FANCA: variants seen among roughly 807,000 people sequenced by gnomAD.
The protein encoded by FANCA is FA complementation group A.
FANCA carries 236 observed loss-of-function variants against 194.3 expected under a neutral mutation model. The observed-to-expected ratio is 1.21, with a 90% CI of 1.09 to 1.35. The LOEUF is 1.35. Among genes scored for constraint, FANCA ranks in the 40% most tolerant of loss-of-function variants. FANCA has a pLI of 0.00. For missense variants in FANCA, 2,628 were observed against 1,813.9 expected (o/e 1.45, Z -8.15); for synonymous variants, 1,014 against 715.8 (o/e 1.42, Z -6.65).
intron 3 of FANCA, among the ~76,000 whole-genome samples, chr16:89,813,743 AT>A (rs1280936334): frequency 1.3e-5 from 2 of 151,750 alleles, no homozygotes; most frequent in African/African-American, 2.4e-5. Context: ...AACAATGCCA[AT>A]TTCTAGTCAT....
At position 89,810,551 on chromosome 16, in the gene FANCA, C is replaced by G. The variant is rs1448655319; in HGVS notation, c.522+156G>C. 4.8e-5 allele frequency: 32 copies of G among 668,628 alleles called. No individual in the cohort carries two copies. The Admixed American group carries it at 7.6e-4, about 16-fold the overall frequency. The allele number at this position is 668,628 out of a possible 1,614,324, so 41.4% of individuals were successfully genotyped here. A position where few individuals can be genotyped will look rare whatever the true frequency, so the allele number is the denominator to read the frequency against. ...CAATTGAAGGTACTTCTTTCCAATC[C>G]ACAGATGATTTCTAAACCCTTTTTC... On this transcript the variant is annotated intron_variant, in intron 5 of 42. Transcript: ENST00000389301.
intron 6 of FANCA, among the ~76,000 whole-genome samples, chr16:89,806,347 CTTTTTTTT>C (rs34862478): frequency 5.4e-5 from 6 of 110,416 alleles, no homozygotes; most frequent in South Asian, 6.2e-4. Context: ...CTATATCATT[CTTTTTTTT>C]TTTTTTTTTT....
intron 36 of FANCA, among the ~76,000 whole-genome samples, chr16:89,743,495 C>T (rs2062181470): frequency 6.6e-6 from 1 of 152,158 alleles, no homozygotes; most frequent in African/African-American, 2.4e-5. Context: ...AGTTTGAGAT[C>T]TGCCTGGGCA....
intron 26 of FANCA, chr16:89,769,558 G>A: frequency 2.1e-6 from 1 of 465,618 alleles, no homozygotes; most frequent in Non-Finnish European, 3.9e-6. Flanking sequence ...CTCTCACCAG[G>A]ACATCAAAGA....
chr16:89,781,362 CCAAAAA>C (rs1567627433), intron 17 of FANCA, among the ~76,000 whole-genome samples: 1 of 57,966 alleles, frequency 1.7e-5, no homozygotes, highest in African/African-American at 9.4e-5. Flanking sequence ...AGACTCCATT[CCAAAAA>C]AAAAAAAAAA....
In FANCA at chr16:89,775,855, CTTAAA is replaced by C. The variant is rs1011747906; in HGVS notation, c.1827-45_1827-41del. On this transcript the variant is annotated intron_variant, in intron 20 of 42. Transcript: ENST00000389301. ...AACAATACAATTAAGTCAGCTATGGCTTAAATTAATTCAAGATTACAATCCCCAAA... is the reference window on the plus strand; with the variant it reads ...AACAATACAATTAAGTCAGCTATGGCTTAATTCAAGATTACAATCCCCAAA... The C allele has an allele frequency of 2.9e-6, 4 of 1,359,376 alleles. No homozygotes were observed. The Admixed American group carries it at 7.2e-5, about 25-fold the overall frequency. The allele number at this position is 1,359,376 out of a possible 1,614,324, so 84.2% of individuals were successfully genotyped here. A position where few individuals can be genotyped will look rare whatever the true frequency, so the allele number is the denominator to read the frequency against.
chr16:89,738,739 G>A lies in FANCA; in HGVS notation c.4261-31C>T, dbSNP rs1567591313. On this transcript the variant is annotated intron_variant, in intron 42 of 42. Transcript: ENST00000389301. Reference sequence around the variant, plus strand: ...AGAGAGGAGCAGGTCCTCAGCCCATGCCGCCCACTAGGCCTCAGACCACAG... The same window carrying A: ...AGAGAGGAGCAGGTCCTCAGCCCATACCGCCCACTAGGCCTCAGACCACAG... The A allele has an allele frequency of 4.3e-6, 7 of 1,613,048 alleles. No individual in the cohort carries two copies. In the South Asian group the frequency reaches 7.7e-5, roughly 18 times the overall value.
At chr16:89,742,748 T>C (rs1165025990) in intron 37 of FANCA, 52 bp downstream of exon 37, 9 of 1,606,282 alleles carry the variant, frequency 5.6e-6, no homozygotes, top group African/African-American at 5.4e-5. Context: ...ATAGCACTGA[T>C]TGAAACCAAG....
chr16:89,792,015 C>T lies in FANCA; in HGVS notation c.1137G>A (p.Leu379=), dbSNP rs372829977. ...EELVGHLQEV[L]ETQEVHWQRV... ...TCTGCCAGTGAACCTCCTGCGTTTC[C>T]AGAACTTCTTGCAAATGGCCAACCA... is the stretch of plus-strand genomic sequence containing the variant. Residue 379 remains leucine, a synonymous_variant, in exon 13 of 43, where the codon CTG becomes CTA. Transcript: ENST00000389301. 1.9e-6 allele frequency: 3 copies of T among 1,614,078 alleles called. No homozygotes were observed. Among genetic ancestry groups the T allele is most frequent in the Non-Finnish European group, 2.5e-6 (3 of 1,180,032 alleles).
intron 30 of FANCA, among the ~76,000 whole-genome samples, chr16:89,754,125 G>C (rs1242297396): frequency 2.0e-5 from 3 of 152,102 alleles, no homozygotes; most frequent in Non-Finnish European, 2.9e-5. Flanking sequence ...GGGAGGCTGA[G>C]GCAGGAGAAT....
chr16:89,798,287 G>A (rs2040316694), intron 10 of FANCA: 1 of 965,752 alleles, frequency 1.0e-6, no homozygotes. Context: ...GAACACATCT[G>A]CCGTCCACAC....
chr16:89,802,754 G>A (rs77989737), intron 8 of FANCA, among the ~76,000 whole-genome samples: 2,935 of 152,188 alleles, frequency 0.019, 104 homozygotes, highest in African/African-American at 0.067. Context: ...CAACAGGAAT[G>A]CAACTGAAGG....
chr16:89,815,328 C>G (rs554418996), intron 2 of FANCA, among the ~76,000 whole-genome samples: 3 of 145,820 alleles, frequency 2.1e-5, no homozygotes, highest in African/African-American at 7.6e-5. Context: ...TGAGCCACCA[C>G]GCCCGGCTTT....
intron 28 of FANCA, 73 bp downstream of exon 28, chr16:89,764,817 T>C: frequency 6.4e-7 from 1 of 1,552,106 alleles, no homozygotes; most frequent in Non-Finnish European, 8.9e-7. Flanking sequence ...GTGCTGCTGT[T>C]CTTGCCCGAG....
intron 6 of FANCA, among the ~76,000 whole-genome samples, chr16:89,807,713 T>C (rs1294844257): frequency 6.6e-6 from 1 of 151,334 alleles, no homozygotes; most frequent in Non-Finnish European, 1.5e-5. Context: ...TGAAACCCAG[T>C]CTCTACTAAA....
rs2038490904 is a variant in FANCA, at chr16:89,749,077, G to T, written c.3240-310C>A. Among the ~76,000 whole-genome samples the T allele has an allele frequency of 3.3e-5, 5 of 152,198 alleles. No homozygotes were observed. The South Asian group carries it at 1.0e-3, about 31-fold the overall frequency. On this transcript the variant is annotated intron_variant, in intron 32 of 42. Coordinates refer to ENST00000389301, the MANE Select transcript of FANCA (RefSeq NM_000135.4). ...ATGACGCACCAGTCTGTCTAGTGAA[G>T]CAATTCCCTATGACTGTAAAATTAA... is the stretch of plus-strand genomic sequence containing the variant.
chr16:89,801,409 G>C lies in FANCA; in HGVS notation c.793-1771C>G, dbSNP rs932141795. On this transcript the variant is annotated intron_variant, in intron 8 of 42. Coordinates refer to ENST00000389301, the MANE Select transcript of FANCA (RefSeq NM_000135.4). ...GAAATACAAGTCAAAGCCACAATGA[G>C]CTATTATTTCACTCCAGTTAGAATT... is the stretch of plus-strand genomic sequence containing the variant. Among the ~76,000 whole-genome samples, 11 of 151,208 alleles carry C rather than the reference G, an allele frequency of 7.3e-5. No homozygotes were observed. In the South Asian group the frequency reaches 2.3e-3, roughly 32 times the overall value.
chr16:89,758,471 C>T (rs901707068), intron 30 of FANCA, 106 bp downstream of exon 30: 2 of 1,405,264 alleles, frequency 1.4e-6, no homozygotes, highest in Non-Finnish European at 2.0e-6. Flanking sequence ...GGCAGACCCA[C>T]CCTAAGCTAA....
At chr16:89,745,262 C>T (rs1157105405) in intron 35 of FANCA, among the ~76,000 whole-genome samples, 191 bp from the exon 36 acceptor site, 1 of 152,250 alleles carries the variant, frequency 6.6e-6, no homozygotes, top group East Asian at 1.9e-4. Flanking sequence ...GCATTTATTA[C>T]CCACACTCAT....
Sources: gnomAD v4.1 joint callset for allele counts (sites outside exome capture counted in the v4.1 genomes callset) on GRCh38, gnomAD v4.1.1 for gene constraint, MANE v1.5 for transcripts, NCBI Gene and HGNC (gene_info 2026-07-23, HGNC 2026-07-21) for gene names.